Variants in SLC17A6 observed in about 807,000 individuals in gnomAD.
SLC17A6 encodes vesicular glutamate transporter 2.
Under a neutral mutation model 67.1 loss-of-function variants are expected in SLC17A6, and 35 were observed. That is an observed-to-expected ratio of 0.52 (90% CI 0.40 to 0.69). SLC17A6 has a LOEUF of 0.69. Among genes scored for constraint, SLC17A6 ranks in the 30% least tolerant of loss-of-function variants. The pLI is 0.00. For synonymous variants in SLC17A6, 285 were observed against 252.3 expected (o/e 1.13, Z -1.23); for missense variants, 588 against 723.9 (o/e 0.81, Z 2.15).
intron 3 of SLC17A6, among the ~76,000 whole-genome samples, chr11:22,354,366 G>C (rs1855975624): frequency 6.6e-6 from 1 of 152,132 alleles, no homozygotes; most frequent in Non-Finnish European, 1.5e-5. Flanking sequence ...TTACAGGCGT[G>C]AGCCACCGCG....
At chr11:22,339,744 G>T (rs1855791604) in intron 1 of SLC17A6, among the ~76,000 whole-genome samples, 1 of 152,038 alleles carries the variant, frequency 6.6e-6, no homozygotes. Context: ...CAGGTTTGGC[G>T]GGCTTCATGT....
chr11:22,353,522 C>G (rs1453810275), intron 3 of SLC17A6, among the ~76,000 whole-genome samples: 1 of 152,186 alleles, frequency 6.6e-6, no homozygotes, highest in African/African-American at 2.4e-5. Flanking sequence ...TGGATTTTCA[C>G]AGGGTAATAA....
Position 22,341,705 on chromosome 11 carries a change from C to T in SLC17A6, c.264C>T (p.Arg88=), listed in dbSNP as rs1463427973. The T allele has an allele frequency of 6.2e-7, 1 of 1,614,132 alleles. No individual in the cohort carries two copies. Among genetic ancestry groups the T allele is most frequent in the Non-Finnish European group, 8.5e-7 (1 of 1,180,058 alleles). Residue 88 remains arginine (R), a synonymous_variant, in exon 2 of 12, where the codon CGC becomes CGT. Transcript: ENST00000263160. ...GLGFCISFGI[R]CNLGVAIVDM... The stretch of plus-strand genomic sequence containing the variant: ...GCTTCTGCATCTCCTTCGGTATCCG[C>T]TGCAACCTGGGCGTGGCCATTGTGG...
Position 22,358,659 on chromosome 11 carries a change from C to T in SLC17A6, c.459-754C>T, listed in dbSNP as rs114243194. ...AGAAGATTTTTTTTTCTTTTTTTAACGAAGGAATGGAATTTTTACTTGTAG... is the reference window on the plus strand; with the variant it reads ...AGAAGATTTTTTTTTCTTTTTTTAATGAAGGAATGGAATTTTTACTTGTAG... On this transcript the variant is annotated intron_variant, in intron 3 of 11. Transcript: ENST00000263160. Among the ~76,000 whole-genome samples the T allele has an allele frequency of 8.5e-3, 1,288 of 151,788 alleles. 19 individuals carry two copies. The highest frequency in any genetic ancestry group is 0.029 in the African/African-American group (1,214 of 41,380).
At chr11:22,364,378 A>T (rs1856085333) in intron 6 of SLC17A6, among the ~76,000 whole-genome samples, 1 of 152,060 alleles carries the variant, frequency 6.6e-6, no homozygotes, top group African/African-American at 2.4e-5. Flanking sequence ...ACCTCCTTTA[A>T]CTTTTCTATA....
intron 8 of SLC17A6, among the ~76,000 whole-genome samples, chr11:22,371,216 A>G (rs1856171611): frequency 6.6e-6 from 1 of 152,022 alleles, no homozygotes; most frequent in Non-Finnish European, 1.5e-5. Flanking sequence ...GCCCTTTGCT[A>G]AGTCCTGAAT....
chr11:22,349,977 G>A (rs1197029692), intron 3 of SLC17A6, among the ~76,000 whole-genome samples: 1 of 152,160 alleles, frequency 6.6e-6, no homozygotes, highest in Non-Finnish European at 1.5e-5. Flanking sequence ...AATGGAAGTG[G>A]ATTGATTGAT....
chr11:22,361,849 C>T (rs551234340), intron 5 of SLC17A6, among the ~76,000 whole-genome samples: 3 of 152,168 alleles, frequency 2.0e-5, no homozygotes, highest in African/African-American at 7.2e-5. Flanking sequence ...CTTTCCAAAT[C>T]AGATATTAGA....
At position 22,359,488 on chromosome 11, in the gene SLC17A6, A is replaced by T; in HGVS notation, c.534A>T (p.Gly178=). 1 of 1,607,856 alleles carries T rather than the reference A, an allele frequency of 6.2e-7. No homozygotes were observed. The highest frequency in any genetic ancestry group is 8.5e-7 in the Non-Finnish European group (1 of 1,176,740). ...LIPSAARVHY[G]CVIFVRILQG... ...CATCAGCAGCCAGAGTGCATTATGG[A>T]TGTGTCATCTTTGTCAGAATACTGC... The change falls in exon 4 of 12, where the codon GGA becomes GGT. Residue 178 remains glycine (G), a synonymous_variant. Coordinates refer to ENST00000263160, the MANE Select transcript of SLC17A6 (RefSeq NM_020346.3).
At position 22,341,494 on chromosome 11, in the gene SLC17A6, C is replaced by T. The variant is rs561626159; in HGVS notation, c.87-34C>T. The T allele has an allele frequency of 8.2e-5, 132 of 1,602,000 alleles. 2 individuals are homozygous for T. The South Asian group carries it at 1.4e-3, about 16-fold the overall frequency. ...TCAGCATCGGGGGTACCTAAGCCGC[C>T]AAGTCCTTGACTCGCCCCTGCTCTG... is the stretch of plus-strand genomic sequence containing the variant. On this transcript the variant is annotated intron_variant, in intron 1 of 11. Coordinates refer to ENST00000263160, the MANE Select transcript of SLC17A6 (RefSeq NM_020346.3).
At chr11:22,344,167 A>G (rs1311463233) in intron 3 of SLC17A6, among the ~76,000 whole-genome samples, 2 of 152,168 alleles carry the variant, frequency 1.3e-5, no homozygotes, top group African/African-American at 4.8e-5. Flanking sequence ...TCACGTCTGA[A>G]TTGTTGAACC....
At chr11:22,354,557 C>T (rs181924007) in intron 3 of SLC17A6, among the ~76,000 whole-genome samples, 80 of 152,302 alleles carry the variant, frequency 5.3e-4, no homozygotes, top group Middle Eastern at 3.4e-3. Context: ...TCACTTCCCA[C>T]TGCTACTACC....
chr11:22,359,419 C>T lies in SLC17A6; in HGVS notation c.465C>T (p.Phe155=), dbSNP rs771516965. The stretch of plus-strand genomic sequence containing the variant: ...CTCATCTTTTCTATTTCAGGGTTTT[C>T]GGAGCTGCCATACTTCTTACCTCTA... ...IASRLAANRV[F]GAAILLTSTL... The change falls in exon 4 of 12, where the codon TTC becomes TTT. Residue 155 remains phenylalanine, a synonymous_variant. Transcript: ENST00000263160. 47 of 1,564,736 alleles carry T rather than the reference C, an allele frequency of 3.0e-5. No homozygotes were observed. Among genetic ancestry groups the T allele is most frequent in the Admixed American group, 9.2e-5 (5 of 54,324 alleles).
intron 4 of SLC17A6, among the ~76,000 whole-genome samples, chr11:22,359,885 AC>A (rs1324603924): frequency 2.0e-5 from 3 of 152,104 alleles, no homozygotes; most frequent in Admixed American, 2.0e-4. Flanking sequence ...GGAGTTTTAT[AC>A]TAAGTAAGTT....
intron 1 of SLC17A6, 85 bp from the exon 2 acceptor site, chr11:22,341,443 G>T: frequency 6.5e-7 from 1 of 1,541,054 alleles, no homozygotes. Flanking sequence ...TCCCAACCCC[G>T]ACGGGTCCTG....
chr11:22,377,275 A>C, intron 11 of SLC17A6, 130 bp from the exon 12 acceptor site: 1 of 691,728 alleles, frequency 1.4e-6, no homozygotes, highest in Non-Finnish European at 2.4e-6. Flanking sequence ...TTTGCTTTAC[A>C]TAATCAGGAT....
intron 2 of SLC17A6, chr11:22,342,952 C>T (rs765659711): frequency 7.4e-5 from 38 of 515,114 alleles, no homozygotes; most frequent in Non-Finnish European, 9.0e-5. Context: ...ATTTCCAAGA[C>T]GGGGGCCCTC....
At chr11:22,362,604 G>A in intron 5 of SLC17A6, 135 bp from the exon 6 acceptor site, 1 of 681,762 alleles carries the variant, frequency 1.5e-6, no homozygotes, top group East Asian at 2.7e-5. Context: ...TGGTGATGGA[G>A]GGTATGTGCA....
At chr11:22,355,068 G>GT (rs1855981762) in intron 3 of SLC17A6, among the ~76,000 whole-genome samples, 1 of 152,156 alleles carries the variant, frequency 6.6e-6, no homozygotes, top group Non-Finnish European at 1.5e-5. Context: ...TGCTTAGAGT[G>GT]TGCCAGCCAT....
Sources: allele counts gnomAD v4.1 joint callset (sites outside exome capture counted in the v4.1 genomes callset), GRCh38; gene constraint gnomAD v4.1.1; transcripts MANE v1.5; gene names NCBI Gene and HGNC (gene_info 2026-07-23, HGNC 2026-07-21).